The following SMAP1 variants were observed in gnomAD, a reference collection of about 807,000 sequenced individuals.
The protein encoded by SMAP1 is stromal membrane-associated protein 1.
A neutral mutation model predicts 58.5 loss-of-function variants in SMAP1; 24 were observed. The ratio of observed to expected loss-of-function variants is 0.41; its 90% confidence interval spans 0.30 to 0.58. SMAP1 has a LOEUF of 0.58. Ranked by LOEUF, SMAP1 falls within the 20% of genes least tolerant of loss-of-function variation. The pLI is 0.29. For synonymous variants in SMAP1, 216 were observed against 196.6 expected (o/e 1.10, Z -0.82); for missense variants, 563 against 566.3 (o/e 0.99, Z 0.06).
chr6:70,799,640 T>C (rs1768761706), intron 6 of SMAP1, among the ~76,000 whole-genome samples: 1 of 152,198 alleles, frequency 6.6e-6, no homozygotes, highest in African/African-American at 2.4e-5. Context: ...CCATTTAAAG[T>C]ACATAATAGA....
At chr6:70,829,621 A>G (rs1229546727) in intron 6 of SMAP1, among the ~76,000 whole-genome samples, 1 of 152,172 alleles carries the variant, frequency 6.6e-6, no homozygotes, top group Non-Finnish European at 1.5e-5. Flanking sequence ...ATGTCATTTA[A>G]TTTCCTTAAT....
At chr6:70,859,250 C>A in intron 10 of SMAP1, 1 of 982,246 alleles carries the variant, frequency 1.0e-6, no homozygotes, top group Non-Finnish European at 1.5e-6. Context: ...GTCACATGGT[C>A]AACATGCTGA....
chr6:70,787,478 A>T (rs1159832058), intron 4 of SMAP1, among the ~76,000 whole-genome samples: 1 of 152,082 alleles, frequency 6.6e-6, no homozygotes, highest in Admixed American at 6.5e-5. Context: ...GAGCTTCTGC[A>T]CAGCAAAAGA....
intron 4 of SMAP1, among the ~76,000 whole-genome samples, chr6:70,788,301 G>C (rs996456640): frequency 8.3e-6 from 1 of 120,886 alleles, no homozygotes; most frequent in Admixed American, 9.3e-5. Context: ...GGACTGTTGT[G>C]GGGTGGGGGG....
At chr6:70,740,751 A>G (rs908469376) in intron 2 of SMAP1, among the ~76,000 whole-genome samples, 13 of 152,160 alleles carry the variant, frequency 8.5e-5, no homozygotes, top group Non-Finnish European at 5.9e-5. Flanking sequence ...TGGACTGTGT[A>G]TTAGTGTGTT....
Position 70,679,559 on chromosome 6 carries a change from A to C in SMAP1, c.118+11418A>C, listed in dbSNP as rs1054892799. 2.6e-5 allele frequency among the ~76,000 whole-genome samples: 4 copies of C among 152,182 alleles called. No individual in the cohort carries two copies. In the South Asian group the frequency reaches 8.3e-4, roughly 31 times the overall value. ...GTTTACAGAAATAAAGTGACTATAG[A>C]AAAAGTAACTCTATATACTAGCAAC... On this transcript the variant is annotated intron_variant, in intron 1 of 10. Coordinates refer to ENST00000370455, the MANE Select transcript of SMAP1 (RefSeq NM_001044305.3).
At chr6:70,737,366 C>T (rs1765656603) in intron 2 of SMAP1, among the ~76,000 whole-genome samples, 2 of 152,114 alleles carry the variant, frequency 1.3e-5, no homozygotes, top group South Asian at 4.2e-4. Flanking sequence ...CGGCTGGTCT[C>T]AGCGTCCTGA....
chr6:70,722,222 A>G, intron 1 of SMAP1, among the ~76,000 whole-genome samples: 1 of 152,212 alleles, frequency 6.6e-6, no homozygotes. Context: ...AATGGCCATC[A>G]GCCTCTGTTA....
At chr6:70,818,119 A>G (rs917031135) in intron 6 of SMAP1, among the ~76,000 whole-genome samples, 42 of 151,972 alleles carry the variant, frequency 2.8e-4, no homozygotes, top group African/African-American at 9.2e-4. Flanking sequence ...TCTGGAGTGT[A>G]TCAAATCTTC....
intron 4 of SMAP1, among the ~76,000 whole-genome samples, chr6:70,789,279 C>T (rs1237824046): frequency 6.6e-6 from 1 of 152,060 alleles, no homozygotes; most frequent in Non-Finnish European, 1.5e-5. Context: ...CCACTACCAC[C>T]ACAGTCAAGA....
chr6:70,818,959 C>T (rs997146288), intron 6 of SMAP1, among the ~76,000 whole-genome samples: 20 of 152,196 alleles, frequency 1.3e-4, no homozygotes, highest in Admixed American at 8.5e-4. Context: ...TAGCCATCAC[C>T]GCTGTCAGTT....
chr6:70,813,831 C>T (rs1038764637), intron 6 of SMAP1, among the ~76,000 whole-genome samples: 1 of 151,982 alleles, frequency 6.6e-6, no homozygotes, highest in African/African-American at 2.4e-5. Flanking sequence ...CTATGTTGCA[C>T]AATAAAAAAT....
At chr6:70,769,298 G>T (rs994136253) in intron 3 of SMAP1, among the ~76,000 whole-genome samples, 67 of 152,120 alleles carry the variant, frequency 4.4e-4, no homozygotes, top group East Asian at 1.2e-3. Context: ...TCAATTCCTG[G>T]GTATCCTTGT....
intron 2 of SMAP1, among the ~76,000 whole-genome samples, chr6:70,748,565 T>TTA (rs1766143449): frequency 6.6e-6 from 1 of 152,076 alleles, no homozygotes; most frequent in African/African-American, 2.4e-5. Flanking sequence ...TCTTTTTGAT[T>TTA]TATGAGAAGA....
intron 2 of SMAP1, among the ~76,000 whole-genome samples, chr6:70,741,118 C>G (rs932499531): frequency 4.6e-5 from 7 of 152,122 alleles, no homozygotes; most frequent in Non-Finnish European, 1.0e-4. Flanking sequence ...CACCCTTGGC[C>G]CCTCCCAAAT....
intron 4 of SMAP1, among the ~76,000 whole-genome samples, chr6:70,787,555 C>G (rs1239534545): frequency 6.6e-6 from 1 of 152,076 alleles, no homozygotes; most frequent in East Asian, 1.9e-4. Context: ...ACTCATCTGA[C>G]AAAGGGCTAA....
intron 1 of SMAP1, chr6:70,668,800 A>T: frequency 6.9e-7 from 1 of 1,439,200 alleles, no homozygotes; most frequent in Non-Finnish European, 9.4e-7. Context: ...GTTATTAGCC[A>T]GAATGAAGAG....
intron 1 of SMAP1, among the ~76,000 whole-genome samples, chr6:70,711,740 CT>C (rs1768066286): frequency 6.6e-6 from 1 of 152,010 alleles, no homozygotes; most frequent in Non-Finnish European, 1.5e-5. Flanking sequence ...GTTGGCCAGG[CT>C]GGTCTCGAAC....
chr6:70,856,824 C>A, intron 8 of SMAP1, 35 bp from the exon 9 acceptor site: 1 of 1,554,264 alleles, frequency 6.4e-7, no homozygotes, highest in Non-Finnish European at 8.7e-7. Context: ...CTTTACTATG[C>A]AGAATTTGAT....
Sources: gnomAD v4.1 joint callset for allele counts (sites outside exome capture counted in the v4.1 genomes callset) on GRCh38, gnomAD v4.1.1 for gene constraint, MANE v1.5 for transcripts, NCBI Gene and HGNC (gene_info 2026-07-23, HGNC 2026-07-21) for gene names.